The following UNC13B variants were observed in gnomAD, a reference collection of about 807,000 sequenced individuals.
UNC13B encodes the protein unc-13 homolog B.
A neutral mutation model predicts 211.0 loss-of-function variants in UNC13B; 144 were observed. The observed-to-expected ratio is 0.68, with a 90% CI of 0.60 to 0.78. The LOEUF (loss-of-function observed/expected upper bound fraction) is 0.78. Among genes scored for constraint, UNC13B ranks in the 30% least tolerant of loss-of-function variants. The pLI, the probability that UNC13B is intolerant of heterozygous loss-of-function variation, is 0.00. For synonymous variants in UNC13B, 709 were observed against 725.8 expected, an observed-to-expected ratio of 0.98 and a Z score of 0.37; for missense variants, 1,777 against 2,002.0, an observed-to-expected ratio of 0.89 and a Z score of 2.14.
At chr9:35,380,661 A>T (rs1266926887) in intron 18 of UNC13B, 22 bp downstream of exon 18, 2 of 1,613,834 alleles carry the variant, frequency 1.2e-6, no homozygotes, top group Non-Finnish European at 1.7e-6. Context: ...GGACCCGAGA[A>T]AGTTGCTTGG....
At chr9:35,287,331 C>T (rs113381062) in intron 7 of UNC13B, among the ~76,000 whole-genome samples, 5 of 152,066 alleles carry the variant, frequency 3.3e-5, no homozygotes, top group African/African-American at 1.2e-4. Flanking sequence ...CAGGTTTCAC[C>T]ATGTTGGCCA....
chr9:35,185,444 C>CAT, intron 1 of UNC13B, among the ~76,000 whole-genome samples: 1 of 152,286 alleles, frequency 6.6e-6, no homozygotes, highest in Middle Eastern at 3.4e-3. Flanking sequence ...TCTTGCAGGA[C>CAT]AGTTCTCAAA....
chr9:35,230,481 A>AT (rs1270045214), intron 2 of UNC13B, among the ~76,000 whole-genome samples: 1 of 151,846 alleles, frequency 6.6e-6, no homozygotes, highest in Non-Finnish European at 1.5e-5. Context: ...AAAAAAAAAA[A>AT]AAAAAAAAAA....
chr9:35,232,491 T>G (rs1288738999), intron 3 of UNC13B, among the ~76,000 whole-genome samples: 1 of 151,994 alleles, frequency 6.6e-6, no homozygotes, highest in African/African-American at 2.4e-5. Context: ...TTATATTGCT[T>G]CCTATAGGAC....
Position 35,302,943 on chromosome 9 carries a change from C to T in UNC13B, c.3539C>T (p.Pro1180Leu). Residue 1180 changes from proline (P) to leucine (L), a missense_variant, in exon 9 of 40, where the codon CCA (proline) becomes CTA (leucine). By Grantham distance (98) the Pro-to-Leu change is moderately conservative. Transcript: ENST00000635942. ...NDDSHHKNNT[P>L]GLISGIFNLL... The stretch of plus-strand genomic sequence containing the variant: ...GACTCCCATCACAAGAATAATACCC[C>T]AGGTTTAATCTCTGGAATATTTAAC... 7.5e-6 allele frequency: 3 copies of T among 398,598 alleles called. No individual in the cohort carries two copies. The Admixed American group carries it at 1.3e-4, about 18-fold the overall frequency. 24.7% of individuals were successfully genotyped at this position (398,598 alleles called of 1,614,324 possible). A position where few individuals can be genotyped will look rare whatever the true frequency, so the allele number is the denominator to read the frequency against.
At chr9:35,351,552 A>G (rs918498605) in intron 11 of UNC13B, 1 of 1,232,260 alleles carries the variant, frequency 8.1e-7, no homozygotes, top group Non-Finnish European at 1.0e-6. Flanking sequence ...CAAGAGTCAG[A>G]GGAAGAAATC....
intron 7 of UNC13B, among the ~76,000 whole-genome samples, chr9:35,287,715 A>G (rs987403269): frequency 6.6e-6 from 1 of 152,104 alleles, no homozygotes; most frequent in Non-Finnish European, 1.5e-5. Context: ...ACATTGTGCC[A>G]TGCATTATCA....
At chr9:35,324,280 C>T (rs915699521) in intron 11 of UNC13B, among the ~76,000 whole-genome samples, 6 of 152,158 alleles carry the variant, frequency 3.9e-5, no homozygotes, top group Non-Finnish European at 8.8e-5. Context: ...ATATTATACA[C>T]GGTTCTATGT....
chr9:35,203,786 A>C lies in UNC13B; in HGVS notation c.23-24229A>C, dbSNP rs186952550. On this transcript the variant is annotated intron_variant, in intron 1 of 39. Coordinates refer to ENST00000635942, the MANE Select transcript of UNC13B (RefSeq NM_001371189.2). ...ATTTAAAAGGGAAGCAGAGCATGAAAGTTTGGGAAATTTGTAGCCTAGCCA... is the reference window on the plus strand; with the variant it reads ...ATTTAAAAGGGAAGCAGAGCATGAACGTTTGGGAAATTTGTAGCCTAGCCA... 2.0e-5 allele frequency among the ~76,000 whole-genome samples: 3 copies of C among 152,380 alleles called. No homozygotes were observed. In the East Asian group the frequency reaches 5.8e-4, roughly 29 times the overall value.
At chr9:35,203,844 G>C (rs1307177338) in intron 1 of UNC13B, among the ~76,000 whole-genome samples, 1 of 152,248 alleles carries the variant, frequency 6.6e-6, no homozygotes, top group East Asian at 1.9e-4. Flanking sequence ...ATTTTCAGTG[G>C]AGGAATTCAA....
intron 6 of UNC13B, among the ~76,000 whole-genome samples, chr9:35,249,130 G>C (rs1826292913): frequency 6.6e-6 from 1 of 151,986 alleles, no homozygotes; most frequent in East Asian, 1.9e-4. Context: ...TGTCTCTTTT[G>C]ATCTTTGTTG....
chr9:35,297,115 G>GTC (rs1183958034), intron 8 of UNC13B, among the ~76,000 whole-genome samples: 6 of 141,362 alleles, frequency 4.2e-5, no homozygotes, highest in African/African-American at 1.6e-4. Flanking sequence ...TTGAGACAGA[G>GTC]TCTCACTCTG....
intron 5 of UNC13B, among the ~76,000 whole-genome samples, chr9:35,239,489 A>T (rs749007105): frequency 5.1e-4 from 77 of 152,356 alleles, no homozygotes; most frequent in Non-Finnish European, 9.1e-4. Context: ...GCGAGATCAC[A>T]GGACTGGGGC....
At chr9:35,186,415 G>T in intron 1 of UNC13B, among the ~76,000 whole-genome samples, 1 of 152,124 alleles carries the variant, frequency 6.6e-6, no homozygotes, top group East Asian at 1.9e-4. Context: ...GACCTGGAAG[G>T]TCCTCCCACC....
chr9:35,388,778 T>G (rs1835343601), intron 24 of UNC13B, among the ~76,000 whole-genome samples: 1 of 152,216 alleles, frequency 6.6e-6, no homozygotes, highest in South Asian at 2.1e-4. Flanking sequence ...CTAAGGAATT[T>G]AAACTGTATT....
chr9:35,225,912 G>A (rs1824812670), intron 1 of UNC13B, among the ~76,000 whole-genome samples: 1 of 152,130 alleles, frequency 6.6e-6, no homozygotes, highest in Non-Finnish European at 1.5e-5. Flanking sequence ...AGTGGTGGCA[G>A]CAGTGGTGCG....
chr9:35,263,207 A>C (rs1827379163), intron 7 of UNC13B, among the ~76,000 whole-genome samples: 1 of 152,196 alleles, frequency 6.6e-6, no homozygotes, highest in African/African-American at 2.4e-5. Context: ...TTCACTGCAG[A>C]ATTATTTAAG....
intron 1 of UNC13B, among the ~76,000 whole-genome samples, chr9:35,188,216 ATT>A (rs1359632148): frequency 2.0e-5 from 3 of 152,184 alleles, no homozygotes; most frequent in Non-Finnish European, 4.4e-5. Context: ...CTTTAAAGCT[ATT>A]AAAAAAACTC....
chr9:35,170,778 A>G (rs1448368446), intron 1 of UNC13B, among the ~76,000 whole-genome samples: 2 of 151,508 alleles, frequency 1.3e-5, no homozygotes, highest in African/African-American at 4.9e-5. Flanking sequence ...TTAAAGCAAG[A>G]GTCTTTGAGT....
Sources: gnomAD v4.1 joint callset for allele counts (sites outside exome capture counted in the v4.1 genomes callset) on GRCh38, gnomAD v4.1.1 for gene constraint, MANE v1.5 for transcripts, NCBI Gene and HGNC (gene_info 2026-07-23, HGNC 2026-07-21) for gene names.